The following MAF variants were observed in gnomAD, a reference collection of about 807,000 sequenced individuals.
MAF encodes the protein MAF bZIP transcription factor.
A neutral mutation model predicts 22.0 loss-of-function variants in MAF; 10 were observed. The observed-to-expected ratio is 0.45, with a 90% CI of 0.28 to 0.77. The LOEUF (loss-of-function observed/expected upper bound fraction) is 0.77, where lower values mean the gene tolerates loss of function less well. MAF is among the 30% of genes least tolerant of loss of function. The probability of loss-of-function intolerance (pLI) is 0.12; values close to 1 mark genes in which losing one functional copy is unlikely to be tolerated. For missense variants in MAF, 544 were observed against 548.4 expected, an observed-to-expected ratio of 0.99 and a Z score of 0.08; for synonymous variants, 337 against 255.8, an observed-to-expected ratio of 1.32 and a Z score of -3.03.
chr16:79,529,860 C>A, the MAF span, among the ~76,000 whole-genome samples: 1 of 151,786 alleles, frequency 6.6e-6, no homozygotes, highest in Non-Finnish European at 1.5e-5. Flanking sequence ...ACTCAGAAGG[C>A]TGAGGCAGGA....
At chr16:79,210,783 G>A in the MAF span, among the ~76,000 whole-genome samples, 3 of 152,088 alleles carry the variant, frequency 2.0e-5, no homozygotes, top group African/African-American at 7.2e-5. Flanking sequence ...CTGTCAGTTT[G>A]GATGATATGA....
the MAF span, among the ~76,000 whole-genome samples, chr16:79,210,247 G>A: frequency 6.6e-6 from 1 of 152,110 alleles, no homozygotes; most frequent in South Asian, 2.1e-4. Flanking sequence ...AAACAACAAT[G>A]ACAACAACAA....
chr16:79,580,548 G>A, the MAF span, among the ~76,000 whole-genome samples: 571 of 152,278 alleles, frequency 3.7e-3, 1 homozygote, highest in African/African-American at 0.013. Flanking sequence ...GAAAGAATGG[G>A]ATGCCAGGGG....
chr16:79,377,916 T>C, the MAF span, among the ~76,000 whole-genome samples: 1 of 152,190 alleles, frequency 6.6e-6, no homozygotes, highest in Non-Finnish European at 1.5e-5. Context: ...TACCATGCTG[T>C]TTTGGTTACT....
At chr16:79,360,801 G>T in the MAF span, among the ~76,000 whole-genome samples, 1 of 152,152 alleles carries the variant, frequency 6.6e-6, no homozygotes, top group Non-Finnish European at 1.5e-5. Context: ...CTGCCCTACA[G>T]ATAGGATCAT....
the MAF span, among the ~76,000 whole-genome samples, chr16:79,578,300 T>C: frequency 6.6e-5 from 10 of 152,106 alleles, no homozygotes; most frequent in East Asian, 1.9e-4. Context: ...TTTTTTAAGA[T>C]TTATACCAGG....
the MAF span, among the ~76,000 whole-genome samples, chr16:79,268,951 T>C: frequency 1.3e-5 from 2 of 152,190 alleles, no homozygotes; most frequent in Non-Finnish European, 2.9e-5. Flanking sequence ...TCAGGATCTC[T>C]TAGGAGTGTG....
chr16:79,240,732 C>G, the MAF span, among the ~76,000 whole-genome samples: 129 of 151,910 alleles, frequency 8.5e-4, no homozygotes, highest in African/African-American at 3.0e-3. Flanking sequence ...GTCCCTGACC[C>G]CCTTGTCTCC....
At chr16:79,211,593 TTCTTGGATTTCC>T in the MAF span, 1 of 1,614,112 alleles carries the variant, frequency 6.2e-7, no homozygotes, top group East Asian at 2.2e-5. Context: ...TTTGTCTTTC[TTCTTGGATTTCC>T]AGCAACAGGG....
the MAF span, among the ~76,000 whole-genome samples, chr16:79,524,621 T>C: frequency 2.0e-5 from 3 of 152,244 alleles, no homozygotes; most frequent in Non-Finnish European, 4.4e-5. Context: ...TGAGTGTGTG[T>C]TTCTTATTTT....
the MAF span, among the ~76,000 whole-genome samples, chr16:79,372,605 C>A: frequency 6.6e-6 from 1 of 152,194 alleles, no homozygotes; most frequent in Non-Finnish European, 1.5e-5. Context: ...CATCTTATAA[C>A]CCACTTCAAC....
At chr16:79,211,886 C>G in the MAF span, 3 of 1,580,214 alleles carry the variant, frequency 1.9e-6, no homozygotes, top group Admixed American at 1.8e-5. Context: ...AAATGTCCCT[C>G]CAACACAGAT....
chr16:79,208,011 A>G, the MAF span, among the ~76,000 whole-genome samples: 288 of 152,366 alleles, frequency 1.9e-3, 1 homozygote, highest in African/African-American at 6.5e-3. Flanking sequence ...AATAAACAGC[A>G]ACTGCTTTCT....
the MAF span, among the ~76,000 whole-genome samples, chr16:79,366,355 T>C: frequency 0.043 from 6,594 of 152,324 alleles, 280 homozygotes; most frequent in East Asian, 0.19. Flanking sequence ...CCTAAAAATG[T>C]AGGTGAGATT....
At chr16:79,553,878 C>G in the MAF span, among the ~76,000 whole-genome samples, 3 of 152,084 alleles carry the variant, frequency 2.0e-5, no homozygotes, top group African/African-American at 4.8e-5. Flanking sequence ...CATTTGAGGT[C>G]AAGAGCTCGA....
chr16:79,491,837 G>A, the MAF span, among the ~76,000 whole-genome samples: 1 of 152,096 alleles, frequency 6.6e-6, no homozygotes, highest in Non-Finnish European at 1.5e-5. Context: ...TCCTCTTAAA[G>A]AAATGGAGGA....
chr16:79,466,513 C>T, the MAF span, among the ~76,000 whole-genome samples: 3 of 152,122 alleles, frequency 2.0e-5, no homozygotes, highest in Admixed American at 2.0e-4. Context: ...TTAGATCCAC[C>T]GTCTTATACT....
At chr16:79,204,388 C>T in the MAF span, 24 of 152,180 alleles carry the variant, frequency 1.6e-4, no homozygotes, top group Non-Finnish European at 3.2e-4. Context: ...GCCTTGAAGC[C>T]GTTTCTTTTT....
At chr16:79,244,254 T>C in the MAF span, among the ~76,000 whole-genome samples, 1 of 152,000 alleles carries the variant, frequency 6.6e-6, no homozygotes, top group African/African-American at 2.4e-5. Context: ...GGTATTCAAA[T>C]AGGAACAGAG....
Sources: gnomAD v4.1 joint callset for allele counts (sites outside exome capture counted in the v4.1 genomes callset) on GRCh38, gnomAD v4.1.1 for gene constraint, MANE v1.5 for transcripts, NCBI Gene and HGNC (gene_info 2026-07-23, HGNC 2026-07-21) for gene names.